The following COL11A1 variants were observed in gnomAD, a reference collection of about 807,000 sequenced individuals.
COL11A1 encodes the protein collagen type XI alpha 1 chain, also known as collagen alpha-1(XI) chain.
COL11A1 carries 74 observed loss-of-function variants against 265.2 expected under a neutral mutation model. That is an observed-to-expected ratio of 0.28 (90% confidence interval 0.23 to 0.34). The LOEUF (loss-of-function observed/expected upper bound fraction) is 0.34. COL11A1 is among the 10% of genes least tolerant of loss of function. COL11A1 has a pLI of 1.00. For missense variants in COL11A1, 2,165 were observed against 2,263.6 expected (o/e 0.96, Z 0.88); for synonymous variants, 816 against 727.6 (o/e 1.12, Z -1.96).
chr1:102,942,215 C>A (rs1217552893), intron 42 of COL11A1, among the ~76,000 whole-genome samples: 3 of 152,074 alleles, frequency 2.0e-5, no homozygotes, highest in Non-Finnish European at 4.4e-5. Flanking sequence ...AGATAGTTCC[C>A]CTTAATTTGA....
rs369289174 is a variant in COL11A1 at position 103,086,562 on chromosome 1, G to A, written c.107-3590C>T. Among the ~76,000 whole-genome samples the A allele has an allele frequency of 8.1e-4, 124 of 152,186 alleles. 1 individual carries two copies. The highest frequency in any genetic ancestry group is 4.3e-3 in the East Asian group (22 of 5,162). ...CTCCTGAGTAGCTGGGACTCCAGGC[G>A]CCCGCCACCACGCCCGGCTAATTTT... is the stretch of plus-strand genomic sequence containing the variant. On this transcript the variant is annotated intron_variant, in intron 1 of 66. Coordinates refer to ENST00000370096, the MANE Select transcript of COL11A1 (RefSeq NM_001854.4).
intron 49 of COL11A1, among the ~76,000 whole-genome samples, chr1:102,916,619 A>G (rs1379190567): frequency 1.3e-5 from 2 of 152,058 alleles, no homozygotes; most frequent in African/African-American, 2.4e-5. Flanking sequence ...TATTACATAC[A>G]AACATAATTT....
chr1:103,047,176 G>A lies in COL11A1; in HGVS notation c.652-15932C>T, dbSNP rs528248081. 6.6e-5 allele frequency among the ~76,000 whole-genome samples: 10 copies of A among 152,130 alleles called. No individual in the cohort carries two copies. In the East Asian group the frequency reaches 1.7e-3, roughly 26 times the overall value. On this transcript the variant is annotated intron_variant, in intron 4 of 66. Transcript: ENST00000370096. ...TTGGTAGCCCAATGGGGACGGCATT[G>A]AATCTGTAAATTACCTTGGGCAGTA...
chr1:103,070,742 C>T (rs552123130), intron 4 of COL11A1, among the ~76,000 whole-genome samples: 2 of 151,640 alleles, frequency 1.3e-5, no homozygotes, highest in Non-Finnish European at 2.9e-5. Context: ...ATCACAAGGA[C>T]CAAGAACTAA....
intron 42 of COL11A1, among the ~76,000 whole-genome samples, chr1:102,940,659 C>T (rs1188797363): frequency 6.6e-6 from 1 of 151,980 alleles, no homozygotes; most frequent in East Asian, 1.9e-4. Flanking sequence ...AATTAGGACC[C>T]AACTTAGAAT....
At chr1:102,967,392 C>T (rs1036176441) in intron 37 of COL11A1, among the ~76,000 whole-genome samples, 4 of 151,736 alleles carry the variant, frequency 2.6e-5, no homozygotes, top group Non-Finnish European at 5.9e-5. Flanking sequence ...AGGCACCCGC[C>T]ACCAAGCCCG....
chr1:103,018,775 A>G (rs553762595), intron 10 of COL11A1, 43 bp downstream of exon 10: 1 of 1,464,290 alleles, frequency 6.8e-7, no homozygotes. Context: ...CTTATATATG[A>G]TTACTTTAAA....
At chr1:103,054,050 G>A in intron 4 of COL11A1, among the ~76,000 whole-genome samples, 1 of 152,102 alleles carries the variant, frequency 6.6e-6, no homozygotes, top group East Asian at 1.9e-4. Context: ...ACACTAATGT[G>A]CATTGAATTT....
At chr1:103,094,214 G>C (rs183219327) in intron 1 of COL11A1, among the ~76,000 whole-genome samples, 11 of 152,098 alleles carry the variant, frequency 7.2e-5, no homozygotes, top group African/African-American at 2.7e-4. Context: ...CCACACAAGA[G>C]TAATTAGCAG....
chr1:103,074,321 T>C (rs989000455), intron 4 of COL11A1, among the ~76,000 whole-genome samples: 2 of 151,924 alleles, frequency 1.3e-5, no homozygotes, highest in East Asian at 1.9e-4. Flanking sequence ...GCAAAGAAAA[T>C]AATACAAACT....
intron 2 of COL11A1, 91 bp from the exon 3 acceptor site, chr1:103,078,962 T>G (rs940469146): frequency 1.1e-6 from 1 of 870,606 alleles, no homozygotes; most frequent in African/African-American, 1.7e-5. Context: ...AATTTCTACA[T>G]GGCCTTTATA....
Position 103,078,690 on chromosome 1 carries a change from G to A in COL11A1, c.456C>T (p.Pro152=), listed in dbSNP as rs751512442. The change falls in exon 3 of 67, where the codon CCC becomes CCT. Residue 152 remains proline (P), a synonymous_variant. Transcript: ENST00000370096. ...HTGKPAPEDY[P]LFRTVNIADG... ...CAGCGATGTTAACAGTTCTGAAGAG[G>A]GGATAGTCTTCTGGGGCAGGTTTTC... The A allele has an allele frequency of 4.5e-5, 72 of 1,613,192 alleles. No individual in the cohort carries two copies. Among genetic ancestry groups the A allele is most frequent in the Admixed American group, 1.8e-4 (11 of 59,858 alleles).
At chr1:103,025,485 G>T (rs114803084) in intron 7 of COL11A1, 36 bp downstream of exon 7, 6 of 1,350,922 alleles carry the variant, frequency 4.4e-6, no homozygotes, top group Non-Finnish European at 5.3e-6. Context: ...TATTTAAAAA[G>T]TGGGACTGTG....
chr1:103,025,336 G>T (rs1209771643), intron 7 of COL11A1, among the ~76,000 whole-genome samples, 185 bp downstream of exon 7: 1 of 152,180 alleles, frequency 6.6e-6, no homozygotes, highest in Non-Finnish European at 1.5e-5. Context: ...ACCTGAATTG[G>T]CATTGATTTC....
In COL11A1 at chr1:102,878,091, G is replaced by T; in HGVS notation, c.5349C>A (p.Val1783=). ...PKIDQVPIVD[V]MINDFGDQNQ... is the part of the protein sequence containing the mutation. ...TCTGATCACCAAAGTCATTGATCAT[G>T]ACATCAACAATAGGTACTTGATCAA... Residue 1783 remains valine (V), a synonymous_variant, in exon 67 of 67, where the codon GTC becomes GTA. Transcript: ENST00000370096. 1 of 1,613,442 alleles carries T rather than the reference G, an allele frequency of 6.2e-7. No individual in the cohort carries two copies. The highest frequency in any genetic ancestry group is 8.5e-7 in the Non-Finnish European group (1 of 1,179,594).
chr1:102,896,394 C>G (rs1425443587), intron 57 of COL11A1, among the ~76,000 whole-genome samples: 2 of 152,178 alleles, frequency 1.3e-5, no homozygotes. Flanking sequence ...AGTTGAAAGG[C>G]TCATTAAATT....
Position 103,018,820 on chromosome 1 carries a change from C to T in COL11A1, c.1348G>A (p.Ala450Thr). ...VEGPPGPAGPAGIMGPPGLQG... is the reference protein window; with the variant it reads ...VEGPPGPAGPTGIMGPPGLQG... ...ATAATCTTAAAACATTTACATACTG[C>T]AGGTCCTGCTGGTCCTGGTGGTCCT... Residue 450 changes from alanine to threonine, a missense_variant and splice_region_variant, in exon 10 of 67, where the codon GCA becomes ACA. Ala to Thr is a moderately conservative substitution (Grantham distance 58). Transcript: ENST00000370096. 1 of 1,611,072 alleles carries T rather than the reference C, an allele frequency of 6.2e-7. No homozygotes were observed. The highest frequency in any genetic ancestry group is 1.1e-5 in the South Asian group (1 of 90,898).
At chr1:102,932,125 T>C (rs1657535404) in intron 46 of COL11A1, among the ~76,000 whole-genome samples, 1 of 151,884 alleles carries the variant, frequency 6.6e-6, no homozygotes, top group Non-Finnish European at 1.5e-5. Context: ...GTGAATTTGA[T>C]CCTGTCATTA....
chr1:102,943,822 C>T (rs1169623439), intron 42 of COL11A1, among the ~76,000 whole-genome samples: 3 of 152,036 alleles, frequency 2.0e-5, no homozygotes, highest in African/African-American at 4.8e-5. Flanking sequence ...TCTAGCTCTT[C>T]CCCCCAATTT....
Sources: gnomAD v4.1 joint callset for allele counts (sites outside exome capture counted in the v4.1 genomes callset) on GRCh38, gnomAD v4.1.1 for gene constraint, MANE v1.5 for transcripts, NCBI Gene and HGNC (gene_info 2026-07-23, HGNC 2026-07-21) for gene names.